The following RTN4 variants were observed in gnomAD, a reference collection of about 807,000 sequenced individuals.
The protein encoded by RTN4 is reticulon-4.
Under a neutral mutation model 90.4 loss-of-function variants are expected in RTN4, and 32 were observed. That is an observed-to-expected ratio of 0.35 (90% CI 0.27 to 0.48). The LOEUF (loss-of-function observed/expected upper bound fraction) is 0.48, where lower values mean the gene tolerates loss of function less well. Among genes scored for constraint, RTN4 ranks in the 20% least tolerant of loss-of-function variants. The pLI, the probability that RTN4 is intolerant of heterozygous loss-of-function variation, is 0.99. For missense variants in RTN4, 1,706 were observed against 1,430.2 expected (o/e 1.19, Z -3.11); for synonymous variants, 629 against 552.5 (o/e 1.14, Z -1.94).
rs200006889 is a variant in RTN4 at position 55,026,717 on chromosome 2, T to C, written c.1382A>G (p.Tyr461Cys). The change falls in exon 3 of 9, where the codon TAT becomes TGT. Residue 461 changes from tyrosine (Y) to cysteine (C), a missense_variant. Coordinates refer to ENST00000337526, the MANE Select transcript of RTN4 (RefSeq NM_020532.5). ...PEGIKDRSGA[Y>C]ITCAPFNPAA... ...TGGGTTAAAGGGAGCACATGTGATATATGCTCCTGAACGATCCTTTATACC... is the reference window on the plus strand; with the variant it reads ...TGGGTTAAAGGGAGCACATGTGATACATGCTCCTGAACGATCCTTTATACC... The C allele has an allele frequency of 3.1e-6, 5 of 1,613,846 alleles. No individual in the cohort carries two copies. The highest frequency in any genetic ancestry group is 4.2e-6 in the Non-Finnish European group (5 of 1,179,890).
At chr2:55,115,211 G>C (rs1031791477), upstream of RTN4, among the ~76,000 whole-genome samples, 2 of 152,110 alleles carry the variant, frequency 1.3e-5, no homozygotes, top group Non-Finnish European at 2.9e-5. Flanking sequence ...AATCTTACTA[G>C]GCTAAAATCA....
chr2:55,020,304 A>G (rs899767520), intron 3 of RTN4, among the ~76,000 whole-genome samples: 1 of 152,208 alleles, frequency 6.6e-6, no homozygotes, highest in Non-Finnish European at 1.5e-5. Context: ...AAAATATACT[A>G]CACAGCTATA....
At chr2:55,063,885 A>G (rs1033656161) in intron 2 of RTN4, among the ~76,000 whole-genome samples, 5 of 151,830 alleles carry the variant, frequency 3.3e-5, no homozygotes, top group Non-Finnish European at 7.4e-5. Context: ...CTCAAAAAAA[A>G]AAAAGTTACT....
At chr2:55,060,620 G>A (rs1249175104) in intron 2 of RTN4, 1 of 152,350 alleles carries the variant, frequency 6.6e-6, no homozygotes, top group South Asian at 2.1e-4. Flanking sequence ...TGGTGGCAGA[G>A]TATGCTAAAG....
At chr2:55,045,209 T>C (rs1683339771) in intron 1 of RTN4, among the ~76,000 whole-genome samples, 1 of 152,236 alleles carries the variant, frequency 6.6e-6, no homozygotes, top group Admixed American at 6.5e-5. Flanking sequence ...CAAATTTTCA[T>C]GGCAATTAAA....
chr2:55,065,754 T>TA (rs11351020), intron 2 of RTN4, among the ~76,000 whole-genome samples: 4 of 151,116 alleles, frequency 2.6e-5, no homozygotes, highest in South Asian at 2.1e-4. Context: ...GGCTAGATAA[T>TA]AAAAAAAAAA....
At chr2:55,042,244 A>C (rs184753304) in intron 1 of RTN4, among the ~76,000 whole-genome samples, 3 of 152,290 alleles carry the variant, frequency 2.0e-5, no homozygotes, top group East Asian at 1.9e-4. Flanking sequence ...CCAACATTTT[A>C]AATGCAAATA....
At chr2:55,096,699 C>T (rs1367050076) in intron 1 of RTN4, among the ~76,000 whole-genome samples, 2 of 152,286 alleles carry the variant, frequency 1.3e-5, no homozygotes, top group East Asian at 3.9e-4. Context: ...AATCTGAACG[C>T]AAGCTACTTT....
At chr2:55,007,690 T>C (rs575201062) in intron 3 of RTN4, among the ~76,000 whole-genome samples, 2 of 152,246 alleles carry the variant, frequency 1.3e-5, no homozygotes, top group East Asian at 3.9e-4. Flanking sequence ...AAAATCTGAT[T>C]TGGTAGGTCA....
chr2:55,066,193 TTGTG>T (rs57202019), intron 2 of RTN4, among the ~76,000 whole-genome samples: 166 of 111,016 alleles, frequency 1.5e-3, no homozygotes, highest in East Asian at 4.6e-3. Context: ...GTGTGTGTGT[TTGTG>T]TGTGTGTGTG....
chr2:55,112,786 G>C (rs1668061407), upstream of RTN4, among the ~76,000 whole-genome samples: 1 of 152,226 alleles, frequency 6.6e-6, no homozygotes, highest in South Asian at 2.1e-4. Context: ...TATTTTCATT[G>C]TCCTTGCCAC....
At chr2:55,132,196 C>G in the RTN4 span, among the ~76,000 whole-genome samples, 1 of 152,170 alleles carries the variant, frequency 6.6e-6, no homozygotes, top group Non-Finnish European at 1.5e-5. Flanking sequence ...ATGCTCTCCA[C>G]TTTTATGTGT....
upstream of RTN4, among the ~76,000 whole-genome samples, chr2:55,115,061 C>T (rs905043926): frequency 6.6e-5 from 10 of 152,028 alleles, no homozygotes; most frequent in African/African-American, 2.4e-4. Flanking sequence ...ATTTGATTTT[C>T]CAAATCATAT....
rs1473850335 is a variant in RTN4, at chr2:54,972,917, A to AAGAT, written c.*235_*238dup. The AAGAT allele has an allele frequency of 5.9e-5, 22 of 375,824 alleles. No homozygotes were observed. Among genetic ancestry groups the AAGAT allele is most frequent in the East Asian group, 1.9e-4 (5 of 25,872 alleles). The allele number at this position is 375,824 out of a possible 1,614,324, so 23.3% of individuals were successfully genotyped here. A position where few individuals can be genotyped will look rare whatever the true frequency, so the allele number is the denominator to read the frequency against. On this transcript the variant is annotated 3_prime_UTR_variant, in exon 9 of 9. Coordinates refer to ENST00000337526, the MANE Select transcript of RTN4 (RefSeq NM_020532.5). ...ACCAGTGCCTCAGATAGATAGGAAA[A>AAGAT]AGATATGATTACGGTTTAAATCCAT...
chr2:55,130,967 C>A, the RTN4 span, among the ~76,000 whole-genome samples: 1 of 152,110 alleles, frequency 6.6e-6, no homozygotes, highest in Non-Finnish European at 1.5e-5. Context: ...CAGAGATGTC[C>A]AAGAGTCATG....
chr2:55,061,066 AT>A lies in RTN4; in HGVS notation c.-63+19422del, dbSNP rs36001702. 7.5e-4 allele frequency among the ~76,000 whole-genome samples: 105 copies of A among 140,670 alleles called. 1 individual carries two copies. The highest frequency in any genetic ancestry group is 1.4e-3 in the African/African-American group (51 of 37,402). 92.3% of individuals were successfully genotyped at this position (140,670 alleles called of 152,430 possible). A position where few individuals can be genotyped will look rare whatever the true frequency, so the allele number is the denominator to read the frequency against. ...TAGTATGCATATTTTAAAAATAAGA[AT>A]TTTTTTTTTTTTTTTTGAGATAGAG... On this transcript the variant is annotated intron_variant, in intron 2 of 3. Coordinates refer to the RTN4 transcript ENST00000427710.
At position 55,026,752 on chromosome 2, in the gene RTN4, A is replaced by T. The variant is rs1264961883; in HGVS notation, c.1347T>A (p.Ser449Arg). 6.2e-7 allele frequency: 1 copy of T among 1,613,934 alleles called. No homozygotes were observed. Residue 449 changes from serine to arginine, a missense_variant, in exon 3 of 9, where the codon AGT becomes AGA. Ser to Arg is a moderately radical substitution (Grantham distance 110). Coordinates refer to ENST00000337526, the MANE Select transcript of RTN4 (RefSeq NM_020532.5). ...ESSNDDTSFP[S>R]TPEGIKDRSG... ...AACGATCCTTTATACCTTCTGGCGT[A>T]CTGGGGAAAGAAGTATCATCATTAC...
intron 2 of RTN4, among the ~76,000 whole-genome samples, chr2:55,062,130 G>A (rs1372412953): frequency 6.6e-6 from 1 of 151,688 alleles, no homozygotes; most frequent in Non-Finnish European, 1.5e-5. Context: ...GGGCCGCCAA[G>A]CAGCCCGACT....
At chr2:55,124,086 C>A in the RTN4 span, among the ~76,000 whole-genome samples, 1 of 152,228 alleles carries the variant, frequency 6.6e-6, no homozygotes, top group South Asian at 2.1e-4. Flanking sequence ...CACAGTGGAA[C>A]TGCCAGCCCC....
Sources: allele counts gnomAD v4.1 joint callset (sites outside exome capture counted in the v4.1 genomes callset), GRCh38; gene constraint gnomAD v4.1.1; transcripts MANE v1.5; gene names NCBI Gene and HGNC (gene_info 2026-07-23, HGNC 2026-07-21).